Variants in CPQ observed in about 807,000 individuals in gnomAD.
The protein encoded by CPQ is Ser-Met dipeptidase.
In CPQ, 37 loss-of-function variants were observed where a neutral mutation model predicts 45.7. The ratio of observed to expected loss-of-function variants is 0.81; its 90% confidence interval spans 0.62 to 1.07. The LOEUF (loss-of-function observed/expected upper bound fraction) is 1.07. Among genes scored for constraint, CPQ ranks in the 50% least tolerant of loss-of-function variants. CPQ has a pLI of 0.00. For synonymous variants in CPQ, 186 were observed against 205.8 expected (o/e 0.90, Z 0.82); for missense variants, 537 against 572.9 (o/e 0.94, Z 0.64).
intron 1 of CPQ, among the ~76,000 whole-genome samples, chr8:96,674,592 A>G (rs1338578019): frequency 6.6e-6 from 1 of 152,154 alleles, no homozygotes; most frequent in Admixed American, 6.6e-5. Context: ...CATTACAGGC[A>G]CATCTTTTCA....
chr8:96,725,024 A>G (rs76468981), intron 1 of CPQ, among the ~76,000 whole-genome samples: 1 of 152,200 alleles, frequency 6.6e-6, no homozygotes, highest in Non-Finnish European at 1.5e-5. Context: ...ATAACTGGTT[A>G]GCCATATGCA....
At chr8:96,954,111 G>A (rs1813312911) in intron 4 of CPQ, among the ~76,000 whole-genome samples, 1 of 152,084 alleles carries the variant, frequency 6.6e-6, no homozygotes, top group Admixed American at 6.6e-5. Flanking sequence ...TTTGATGCTT[G>A]TATTTCCTTT....
chr8:97,060,556 G>A (rs1443679759), intron 6 of CPQ, among the ~76,000 whole-genome samples: 1 of 152,100 alleles, frequency 6.6e-6, no homozygotes, highest in Non-Finnish European at 1.5e-5. Flanking sequence ...ACAAAATAGG[G>A]GGTTTACAGA....
intron 3 of CPQ, among the ~76,000 whole-genome samples, chr8:96,879,294 G>C (rs140359060): frequency 1.4e-3 from 211 of 152,224 alleles, no homozygotes; most frequent in African/African-American, 4.9e-3. Context: ...CACTTTTCCT[G>C]CGTGGTGTTC....
intron 4 of CPQ, among the ~76,000 whole-genome samples, chr8:96,936,077 C>G (rs932037433): frequency 1.3e-5 from 2 of 151,884 alleles, no homozygotes; most frequent in Non-Finnish European, 2.9e-5. Flanking sequence ...ATTTTTGTGG[C>G]CTTTTTGTGT....
intron 1 of CPQ, among the ~76,000 whole-genome samples, chr8:96,718,256 G>T (rs1278291317): frequency 6.6e-6 from 1 of 152,172 alleles, no homozygotes; most frequent in Non-Finnish European, 1.5e-5. Context: ...GTGGGTTCTT[G>T]GTCTCACTGA....
At chr8:96,716,185 T>C (rs1326033110) in intron 1 of CPQ, among the ~76,000 whole-genome samples, 1 of 152,144 alleles carries the variant, frequency 6.6e-6, no homozygotes, top group Non-Finnish European at 1.5e-5. Context: ...TAACTGCAGA[T>C]GGTGTAATGG....
chr8:96,854,008 A>G (rs1181517047), intron 3 of CPQ, among the ~76,000 whole-genome samples: 2 of 152,188 alleles, frequency 1.3e-5, no homozygotes, highest in Non-Finnish European at 2.9e-5. Context: ...TCTTCTCACC[A>G]AGAGCTTCTG....
chr8:97,134,683 G>A (rs973706019), intron 7 of CPQ, among the ~76,000 whole-genome samples: 15 of 152,146 alleles, frequency 9.9e-5, no homozygotes, highest in Admixed American at 2.6e-4. Flanking sequence ...ATTTTTTCCC[G>A]AGATAGGGCA....
chr8:96,931,186 G>C (rs1812970347), intron 4 of CPQ, among the ~76,000 whole-genome samples: 1 of 152,168 alleles, frequency 6.6e-6, no homozygotes, highest in African/African-American at 2.4e-5. Flanking sequence ...AGTATCCTAG[G>C]GATGAAAACC....
At chr8:96,734,595 C>T (rs1809955675) in intron 1 of CPQ, among the ~76,000 whole-genome samples, 1 of 151,952 alleles carries the variant, frequency 6.6e-6, no homozygotes, top group Non-Finnish European at 1.5e-5. Context: ...CATGGAGTCC[C>T]AGCTACTCGG....
chr8:97,140,423 G>T (rs1812139598), intron 7 of CPQ, among the ~76,000 whole-genome samples: 1 of 151,798 alleles, frequency 6.6e-6, no homozygotes, highest in Non-Finnish European at 1.5e-5. Flanking sequence ...TACTAAAACT[G>T]GAGAGCCACA....
intron 5 of CPQ, among the ~76,000 whole-genome samples, chr8:96,977,907 A>C (rs1445179211): frequency 1.3e-5 from 2 of 152,216 alleles, no homozygotes; most frequent in Non-Finnish European, 2.9e-5. Flanking sequence ...CCAGAATCTC[A>C]GAAATTACCA....
chr8:97,135,116 A>C (rs905634876), intron 7 of CPQ, among the ~76,000 whole-genome samples: 1 of 152,226 alleles, frequency 6.6e-6, no homozygotes, highest in Non-Finnish European at 1.5e-5. Flanking sequence ...CCCATAGCCA[A>C]GCCAAGGTTT....
chr8:96,773,881 T>C (rs1810576023), intron 1 of CPQ, among the ~76,000 whole-genome samples: 2 of 152,060 alleles, frequency 1.3e-5, no homozygotes, highest in Admixed American at 1.3e-4. Context: ...CTTCTAGCCT[T>C]TTTATAAGGC....
intron 1 of CPQ, among the ~76,000 whole-genome samples, chr8:96,690,415 C>G (rs1366065265): frequency 6.6e-6 from 1 of 152,116 alleles, no homozygotes; most frequent in Non-Finnish European, 1.5e-5. Context: ...CTCTCTTCCC[C>G]ATTGCCTTGC....
intron 2 of CPQ, among the ~76,000 whole-genome samples, chr8:96,814,939 G>A (rs929521972): frequency 1.3e-5 from 2 of 152,132 alleles, no homozygotes; most frequent in South Asian, 2.1e-4. Context: ...TATATAAAAT[G>A]TATAGAATAG....
intron 1 of CPQ, among the ~76,000 whole-genome samples, chr8:96,745,238 G>A (rs1192881922): frequency 3.3e-5 from 5 of 152,102 alleles, no homozygotes; most frequent in Admixed American, 1.3e-4. Flanking sequence ...AACCCAGGAG[G>A]TGGAGGTTGC....
At chr8:97,025,219 A>C (rs1461388043) in intron 5 of CPQ, among the ~76,000 whole-genome samples, 1 of 152,158 alleles carries the variant, frequency 6.6e-6, no homozygotes, top group Non-Finnish European at 1.5e-5. Flanking sequence ...ATAATGAAAA[A>C]AAAGTCCAAA....
Sources: gnomAD v4.1 joint callset for allele counts (sites outside exome capture counted in the v4.1 genomes callset) on GRCh38, gnomAD v4.1.1 for gene constraint, MANE v1.5 for transcripts, NCBI Gene and HGNC (gene_info 2026-07-23, HGNC 2026-07-21) for gene names.